Variants in IL31RA observed in about 807,000 individuals in gnomAD.
IL31RA encodes interleukin-31 receptor subunit alpha.
IL31RA carries 66 observed loss-of-function variants against 83.7 expected under a neutral mutation model. The observed-to-expected ratio is 0.79, with a 90% confidence interval of 0.65 to 0.97. The LOEUF (loss-of-function observed/expected upper bound fraction) is 0.97. IL31RA is among the 50% of genes least tolerant of loss of function. The pLI, the probability that IL31RA is intolerant of heterozygous loss-of-function variation, is 0.00. For synonymous variants in IL31RA, 325 were observed against 329.0 expected, an observed-to-expected ratio of 0.99 and a Z score of 0.13; for missense variants, 798 against 919.4, an observed-to-expected ratio of 0.87 and a Z score of 1.71.
chr5:55,853,236 G>A (rs994161814), intron 1 of IL31RA: 32 of 951,180 alleles, frequency 3.4e-5, no homozygotes, highest in Non-Finnish European at 3.8e-5. Context: ...TTAAAAGTTA[G>A]TCACTTCTTT....
chr5:55,868,874 ACCAGTTATAC>A lies in IL31RA; in HGVS notation c.244_253del (p.Tyr82ThrfsTer36). ...CTGCACTTGGAGTCCAGGAAAGGAA[ACCAGTTATAC>A]CCAGTACACAGTTAAGAGAACTTAG... On this transcript the variant is annotated frameshift_variant, in exon 3 of 15. Transcript: ENST00000652347. LOFTEE classifies it high-confidence loss of function. 1 of 1,594,104 alleles carries A rather than the reference ACCAGTTATAC, an allele frequency of 6.3e-7. No individual in the cohort carries two copies. Among genetic ancestry groups the A allele is most frequent in the South Asian group, 1.1e-5 (1 of 90,708 alleles).
intron 6 of IL31RA, among the ~76,000 whole-genome samples, chr5:55,890,363 ATTTGTTTTGT>A (rs758425306): frequency 2.6e-5 from 4 of 151,982 alleles, no homozygotes; most frequent in African/African-American, 9.7e-5. Context: ...GTATCATATC[ATTTGTTTTGT>A]TTTGTTTTGT....
chr5:55,843,325 G>A, the IL31RA span, among the ~76,000 whole-genome samples: 3 of 152,106 alleles, frequency 2.0e-5, no homozygotes, highest in African/African-American at 7.2e-5. Flanking sequence ...ATGATTTCCA[G>A]AAAAAGAAAT....
chr5:55,876,093 G>A (rs1025244258), intron 4 of IL31RA, among the ~76,000 whole-genome samples: 7 of 152,134 alleles, frequency 4.6e-5, no homozygotes, highest in Admixed American at 2.0e-4. Flanking sequence ...ATAGAACTAT[G>A]ACAGTGCTTT....
At chr5:55,879,734 C>T (rs1580689750) in intron 4 of IL31RA, among the ~76,000 whole-genome samples, 2 of 142,716 alleles carry the variant, frequency 1.4e-5, no homozygotes, top group African/African-American at 2.5e-5. Context: ...CCAGTCCAGT[C>T]TTTTTTTTTT....
chr5:55,901,972 C>T (rs1017803777), intron 8 of IL31RA, among the ~76,000 whole-genome samples: 4 of 152,102 alleles, frequency 2.6e-5, no homozygotes, highest in Non-Finnish European at 5.9e-5. Flanking sequence ...CACAGATTAT[C>T]GACTTTAAAA....
intron 6 of IL31RA, among the ~76,000 whole-genome samples, chr5:55,890,677 T>C (rs1029754854): frequency 6.6e-6 from 1 of 152,234 alleles, no homozygotes; most frequent in African/African-American, 2.4e-5. Flanking sequence ...GCCAGTATCA[T>C]ATCATCTGAA....
the IL31RA span, chr5:55,840,007 C>T: frequency 1.7e-5 from 9 of 516,838 alleles, no homozygotes; most frequent in East Asian, 2.2e-4. Context: ...CCCTCGCCAC[C>T]TTTGGTGCCC....
At chr5:55,872,524 T>A in intron 4 of IL31RA, 73 bp downstream of exon 4, 1 of 1,106,698 alleles carries the variant, frequency 9.0e-7, no homozygotes, top group South Asian at 1.3e-5. Flanking sequence ...GAGGTATCTG[T>A]GGACTCAAAA....
chr5:55,887,609 G>A (rs1257400530), intron 5 of IL31RA, among the ~76,000 whole-genome samples: 4 of 152,086 alleles, frequency 2.6e-5, no homozygotes. Flanking sequence ...GGGAATGGCC[G>A]GGCACGGTGG....
At position 55,883,185 on chromosome 5, in the gene IL31RA, G is replaced by A. The variant is rs1260547653; in HGVS notation, c.596G>A (p.Ser199Asn). The change falls in exon 5 of 15, where the codon AGT (serine) becomes AAT (asparagine). Residue 199 changes from serine (S) to asparagine (N), a missense_variant. Ser to Asn is a conservative substitution (Grantham distance 46). Coordinates refer to ENST00000652347, the MANE Select transcript of IL31RA (RefSeq NM_139017.7). ...KYTLRFRTVN[S>N]TSWMEVNFAK... is the part of the protein sequence containing the mutation. ...ACACTTCGATTCAGGACAGTCAACA[G>A]TACCAGCTGGGTAAGTTATGCCATT... is the stretch of plus-strand genomic sequence containing the variant. The A allele has an allele frequency of 6.2e-7, 1 of 1,613,406 alleles. No individual in the cohort carries two copies. Among genetic ancestry groups the A allele is most frequent in the Non-Finnish European group, 8.5e-7 (1 of 1,179,468 alleles).
chr5:55,874,509 G>A (rs1484104629), intron 4 of IL31RA, among the ~76,000 whole-genome samples: 1 of 152,050 alleles, frequency 6.6e-6, no homozygotes, highest in African/African-American at 2.4e-5. Context: ...CATGAACATG[G>A]AATATCTTTC....
chr5:55,869,576 C>T (rs1022867077), intron 3 of IL31RA, among the ~76,000 whole-genome samples: 5 of 152,094 alleles, frequency 3.3e-5, no homozygotes, highest in Non-Finnish European at 5.9e-5. Flanking sequence ...CAGGTTCAAG[C>T]GATTCTCCTG....
intron 2 of IL31RA, among the ~76,000 whole-genome samples, chr5:55,865,758 G>T (rs976881552): frequency 6.6e-6 from 1 of 152,102 alleles, no homozygotes; most frequent in Admixed American, 6.5e-5. Flanking sequence ...GGAGGGTGTG[G>T]GTAGCACTTA....
intron 12 of IL31RA, among the ~76,000 whole-genome samples, chr5:55,911,071 T>TA (rs1459730801): frequency 6.6e-6 from 1 of 152,160 alleles, no homozygotes; most frequent in Non-Finnish European, 1.5e-5. Context: ...ACGCTGCTGA[T>TA]AAAGACATAC....
In IL31RA at chr5:55,876,691, A is replaced by T. The variant is rs1262598212; in HGVS notation, c.454+4240A>T. Among the ~76,000 whole-genome samples the T allele has an allele frequency of 2.0e-5, 3 of 152,032 alleles. No homozygotes were observed. In the East Asian group the frequency reaches 5.8e-4, roughly 29 times the overall value. On this transcript the variant is annotated intron_variant, in intron 4 of 14. Transcript: ENST00000652347. Reference sequence around the variant, plus strand: ...CATCTTTTTTCATCCTTTCACTTTCAATCTATTTGTATTTTCAGATCTAAA... The same window carrying T: ...CATCTTTTTTCATCCTTTCACTTTCTATCTATTTGTATTTTCAGATCTAAA...
chr5:55,855,617 A>T (rs1251611856), intron 1 of IL31RA, among the ~76,000 whole-genome samples: 1 of 152,166 alleles, frequency 6.6e-6, no homozygotes, highest in East Asian at 1.9e-4. Context: ...CCTGTGAAGT[A>T]TCCATTTTAT....
chr5:55,905,401 C>T lies in IL31RA; in HGVS notation c.1070-705C>T, dbSNP rs1429518452. The stretch of plus-strand genomic sequence containing the variant: ...CTCCAAGAGTTCTCTTCTGTGTGTT[C>T]GAATATTTTCAGTAAGATCTCTGTC... On this transcript the variant is annotated intron_variant, in intron 8 of 14. Transcript: ENST00000652347. Among the ~76,000 whole-genome samples, 5 of 152,158 alleles carry T rather than the reference C, an allele frequency of 3.3e-5. No homozygotes were observed. The South Asian group carries it at 6.2e-4, about 19-fold the overall frequency.
chr5:55,870,199 G>A (rs769868304), intron 3 of IL31RA, among the ~76,000 whole-genome samples: 24 of 152,286 alleles, frequency 1.6e-4, no homozygotes, highest in South Asian at 4.1e-4. Context: ...GCTTTCCAAC[G>A]AAACTTTATC....
Sources: allele counts gnomAD v4.1 joint callset (sites outside exome capture counted in the v4.1 genomes callset), GRCh38; gene constraint gnomAD v4.1.1; transcripts MANE v1.5; gene names NCBI Gene and HGNC (gene_info 2026-07-23, HGNC 2026-07-21).